Variants in ADGRG6 observed in about 807,000 individuals in gnomAD.
ADGRG6 encodes the protein adhesion G protein-coupled receptor G6, also known as G-protein coupled receptor 126.
ADGRG6 carries 84 observed loss-of-function variants against 142.4 expected under a neutral mutation model. That is an observed-to-expected ratio of 0.59 (90% CI 0.49 to 0.71). ADGRG6 has a LOEUF of 0.71. ADGRG6 is among the 30% of genes least tolerant of loss of function. The pLI is 0.00. For missense variants in ADGRG6, 1,367 were observed against 1,466.6 expected (o/e 0.93, Z 1.11); for synonymous variants, 521 against 520.5 (o/e 1.00, Z -0.01).
In ADGRG6 at chr6:142,406,258, C is replaced by A. The variant is rs558050367; in HGVS notation, c.2268+430C>A. ...AATGAGCAGCATTCTTGGCTTTAAT[C>A]AGTTTTCCCATTAGTATTTCAAGTG... is the stretch of plus-strand genomic sequence containing the variant. On this transcript the variant is annotated intron_variant, in intron 15 of 24. Coordinates refer to ENST00000367609, the MANE Select transcript of ADGRG6 (RefSeq NM_198569.3). Among the ~76,000 whole-genome samples the A allele has an allele frequency of 8.7e-5, 13 of 148,700 alleles. No individual in the cohort carries two copies. The East Asian group carries it at 2.4e-3, about 27-fold the overall frequency.
intron 22 of ADGRG6, among the ~76,000 whole-genome samples, chr6:142,421,675 G>GT (rs1325123387): frequency 2.6e-5 from 4 of 152,150 alleles, no homozygotes; most frequent in Non-Finnish European, 5.9e-5. Flanking sequence ...AACAGCTACA[G>GT]TTGTCTGTTC....
At chr6:142,392,915 G>T (rs1583081849) in intron 7 of ADGRG6, 33 bp from the exon 8 acceptor site, 1 of 1,496,932 alleles carries the variant, frequency 6.7e-7, no homozygotes. Context: ...AAAGGTATTA[G>T]CAAAACTCAG....
intron 2 of ADGRG6, among the ~76,000 whole-genome samples, chr6:142,335,376 GT>G (rs1779262394): frequency 6.6e-6 from 1 of 152,156 alleles, no homozygotes; most frequent in African/African-American, 2.4e-5. Flanking sequence ...AAAAAGTTAG[GT>G]GAGAAAATCG....
At chr6:142,422,554 C>T (rs1448345463) in intron 22 of ADGRG6, among the ~76,000 whole-genome samples, 2 of 151,984 alleles carry the variant, frequency 1.3e-5, no homozygotes, top group Admixed American at 6.6e-5. Flanking sequence ...TTTCTTAATC[C>T]AGTCTATCAT....
chr6:142,391,230 CTAT>C (rs143183272), intron 7 of ADGRG6, among the ~76,000 whole-genome samples: 2,519 of 151,360 alleles, frequency 0.017, 71 homozygotes, highest in African/African-American at 0.057. Context: ...TCTATTTTTT[CTAT>C]TATTTCATTT....
At chr6:142,363,838 T>C (rs1780827534) in intron 2 of ADGRG6, among the ~76,000 whole-genome samples, 1 of 152,188 alleles carries the variant, frequency 6.6e-6, no homozygotes, top group Non-Finnish European at 1.5e-5. Flanking sequence ...GCACTATATT[T>C]CATACTTCCT....
At chr6:142,352,659 G>A (rs1484072890) in intron 2 of ADGRG6, among the ~76,000 whole-genome samples, 1 of 152,092 alleles carries the variant, frequency 6.6e-6, no homozygotes, top group Admixed American at 6.5e-5. Flanking sequence ...ATTTGTATAA[G>A]TACATATGTT....
rs1224879553 is a variant in ADGRG6 at position 142,318,287 on chromosome 6, TTATA to T, written c.103+8647_103+8650del. ...TTATATATATTTATATTATATATATTTATATATTATATATATTTATATTATATAT... is the reference window on the plus strand; with the variant it reads ...TTATATATATTTATATTATATATATTTATTATATATATTTATATTATATAT... On this transcript the variant is annotated intron_variant, in intron 2 of 24. Transcript: ENST00000367609. Among the ~76,000 whole-genome samples, 218 of 79,810 alleles carry T rather than the reference TTATA, an allele frequency of 2.7e-3. 4 individuals carry two copies. The highest frequency in any genetic ancestry group is 0.011 in the African/African-American group (193 of 18,144). 52.4% of individuals were successfully genotyped at this position (79,810 alleles called of 152,430 possible). A position where few individuals can be genotyped will look rare whatever the true frequency, so the allele number is the denominator to read the frequency against.
At chr6:142,368,280 T>A (rs969559178) in intron 3 of ADGRG6, among the ~76,000 whole-genome samples, 8 of 152,230 alleles carry the variant, frequency 5.3e-5, no homozygotes, top group African/African-American at 1.4e-4. Flanking sequence ...TTTTATGATG[T>A]TGTCCTTTTA....
chr6:142,438,809 G>A lies in ADGRG6; in HGVS notation c.3574+445G>A, dbSNP rs562120142. ...ACTTAATTCCTTAACCATTGCAAATGTTATTGATGACTGCCCTTTAAATCA... is the reference window on the plus strand; with the variant it reads ...ACTTAATTCCTTAACCATTGCAAATATTATTGATGACTGCCCTTTAAATCA... On this transcript the variant is annotated intron_variant, in intron 24 of 24. Coordinates refer to ENST00000367609, the MANE Select transcript of ADGRG6 (RefSeq NM_198569.3). 2.7e-4 allele frequency among the ~76,000 whole-genome samples: 41 copies of A among 152,250 alleles called. No homozygotes were observed. The South Asian group carries it at 6.8e-3, about 25-fold the overall frequency.
intron 2 of ADGRG6, among the ~76,000 whole-genome samples, chr6:142,324,516 T>A (rs1351236803): frequency 6.6e-6 from 1 of 152,174 alleles, no homozygotes; most frequent in Admixed American, 6.6e-5. Flanking sequence ...TGCTGCCTAA[T>A]AAAGTGCTTT....
At chr6:142,399,224 C>T (rs890404773) in intron 10 of ADGRG6, among the ~76,000 whole-genome samples, 4 of 152,130 alleles carry the variant, frequency 2.6e-5, no homozygotes, top group Non-Finnish European at 4.4e-5. Context: ...AGGGCGATTG[C>T]GACCAAGGCC....
rs188835365 is a variant in ADGRG6, at chr6:142,328,895, G to A, written c.103+19251G>A. Among the ~76,000 whole-genome samples, 63 of 152,194 alleles carry A rather than the reference G, an allele frequency of 4.1e-4. No individual in the cohort carries two copies. In the East Asian group the frequency reaches 0.01, roughly 25 times the overall value. On this transcript the variant is annotated intron_variant, in intron 2 of 24. Coordinates refer to ENST00000367609, the MANE Select transcript of ADGRG6 (RefSeq NM_198569.3). ...TAAATTGTAGTTTAATTTTTGTCCT[G>A]AGCTACCTAAAAAGTCTGTCCAGCA...
In ADGRG6 at chr6:142,420,044, G is replaced by C; in HGVS notation, c.3259G>C (p.Ala1087Pro). ...CATGACATGGGGTTTTGCATTCTTT[G>C]CCTGGGGACCCTTAAATATCCCCTT... ...LGMTWGFAFFAWGPLNIPFMY... is the reference protein window; with the variant it reads ...LGMTWGFAFFPWGPLNIPFMY... The change falls in exon 22 of 25, where the codon GCC (alanine) becomes CCC (proline). Residue 1087 changes from alanine (A) to proline (P), a missense_variant. Around this residue, in one of 3 missense-constraint regions of ADGRG6, gnomAD observed 344 missense variants for 348.7 expected, o/e 0.99. Transcript: ENST00000367609. 2.5e-6 allele frequency: 4 copies of C among 1,613,352 alleles called. No homozygotes were observed. The highest frequency in any genetic ancestry group is 3.4e-6 in the Non-Finnish European group (4 of 1,179,426).
intron 22 of ADGRG6, among the ~76,000 whole-genome samples, chr6:142,420,413 G>C (rs1776606623): frequency 6.6e-6 from 1 of 152,174 alleles, no homozygotes; most frequent in Non-Finnish European, 1.5e-5. Context: ...ATCTAGCTGA[G>C]AACCAAACGG....
chr6:142,324,664 G>A (rs538439163), intron 2 of ADGRG6, among the ~76,000 whole-genome samples: 2 of 152,110 alleles, frequency 1.3e-5, no homozygotes, highest in South Asian at 4.1e-4. Flanking sequence ...GTATTTTAAT[G>A]GTGGAAATGG....
intron 1 of ADGRG6, among the ~76,000 whole-genome samples, chr6:142,304,715 A>G (rs1319739036): frequency 2.6e-5 from 4 of 152,226 alleles, no homozygotes; most frequent in Admixed American, 2.0e-4. Context: ...AAAAGTTTCT[A>G]CAGTCTATTT....
rs754912058 is a variant in ADGRG6 at position 142,417,359 on chromosome 6, G to A, written c.3025G>A (p.Gly1009Ser). 6.5e-7 allele frequency: 1 copy of A among 1,530,590 alleles called. No individual in the cohort carries two copies. Among genetic ancestry groups the A allele is most frequent in the African/African-American group, 1.4e-5 (1 of 73,454 alleles). 94.8% of individuals were successfully genotyped at this position (1,530,590 alleles called of 1,614,324 possible). ...YGKESYGKEK[G>S]DEFCWIQDPV... The stretch of plus-strand genomic sequence containing the variant: ...AAAAGAAAGTTATGGGAAAGAAAAA[G>A]GTGATGAATTGTAAGTAATAAAAAC... The change falls in exon 21 of 25, where the codon GGT (glycine) becomes AGT (serine). Residue 1009 changes from glycine to serine, a missense_variant. Around this residue, in one of 3 missense-constraint regions of ADGRG6, gnomAD observed 344 missense variants for 348.7 expected, o/e 0.99. Coordinates refer to ENST00000367609, the MANE Select transcript of ADGRG6 (RefSeq NM_198569.3).
intron 2 of ADGRG6, among the ~76,000 whole-genome samples, chr6:142,325,131 A>G (rs1163944274): frequency 6.6e-6 from 1 of 152,182 alleles, no homozygotes; most frequent in Non-Finnish European, 1.5e-5. Context: ...AAAAGTACAT[A>G]GGATTTAAGA....
Sources: gnomAD v4.1 joint callset for allele counts (sites outside exome capture counted in the v4.1 genomes callset) on GRCh38, gnomAD v4.1.1 for gene constraint, gnomAD v4.1.1 regional missense constraint, MANE v1.5 for transcripts, NCBI Gene and HGNC (gene_info 2026-07-23, HGNC 2026-07-21) for gene names.